RYR2: variants seen among roughly 807,000 people sequenced by gnomAD.
The protein encoded by RYR2 is ryanodine receptor 2.
RYR2 carries 227 observed loss-of-function variants against 601.1 expected under a neutral mutation model. That is an observed-to-expected ratio of 0.38 (90% CI 0.34 to 0.42). The LOEUF (loss-of-function observed/expected upper bound fraction) is 0.42, where lower values mean the gene tolerates loss of function less well. Among genes scored for constraint, RYR2 ranks in the 10% least tolerant of loss-of-function variants. RYR2 has a pLI of 1.00. For synonymous variants in RYR2, 2,223 were observed against 2,175.1 expected (o/e 1.02, Z -0.61); for missense variants, 4,646 against 6,156.5 (o/e 0.75, Z 8.21).
chr1:237,390,806 G>A (rs1022013123), intron 10 of RYR2, among the ~76,000 whole-genome samples: 2 of 152,096 alleles, frequency 1.3e-5, no homozygotes, highest in Non-Finnish European at 2.9e-5. Context: ...ATTTCATGTT[G>A]ATAATTTCAG....
intron 22 of RYR2, among the ~76,000 whole-genome samples, chr1:237,504,354 G>A (rs1010456337): frequency 6.6e-6 from 1 of 152,108 alleles, no homozygotes; most frequent in Non-Finnish European, 1.5e-5. Flanking sequence ...GGCAGGGGTG[G>A]ATCTCACAAA....
In RYR2 at chr1:237,773,612, A is replaced by C; in HGVS notation, c.11739A>C (p.Ala3913=). The C allele has an allele frequency of 6.2e-7, 1 of 1,612,316 alleles. No homozygotes were observed. Among genetic ancestry groups the C allele is most frequent in the Non-Finnish European group, 8.5e-7 (1 of 1,178,760 alleles). The part of the protein sequence containing the change: ...QRNFSKAIQV[A]KQVFNTLTEY... The stretch of plus-strand genomic sequence containing the variant: ...ATTTCTCCAAAGCTATCCAAGTGGC[A>C]AAACAAGTCTTTAACACTCTTACAG... Residue 3913 remains alanine (A), a synonymous_variant, in exon 87 of 105, where the codon GCA becomes GCC. Coordinates refer to ENST00000366574, the MANE Select transcript of RYR2 (RefSeq NM_001035.3).
intron 52 of RYR2, 117 bp downstream of exon 52, chr1:237,654,531 T>C (rs923650983): frequency 4.0e-5 from 40 of 990,146 alleles, no homozygotes; most frequent in Admixed American, 3.1e-4. Context: ...CACGTATGGC[T>C]TGATTTTTTC....
chr1:237,580,895 C>T (rs1256601704), intron 29 of RYR2, among the ~76,000 whole-genome samples: 6 of 152,122 alleles, frequency 3.9e-5, no homozygotes, highest in Non-Finnish European at 8.8e-5. Flanking sequence ...TCAGGAGAAA[C>T]GAAGCCTGCT....
chr1:237,510,868 A>G (rs1665821371), intron 23 of RYR2, among the ~76,000 whole-genome samples: 1 of 152,264 alleles, frequency 6.6e-6, no homozygotes, highest in Non-Finnish European at 1.5e-5. Flanking sequence ...TGTGATTGCT[A>G]ATATGCAGTT....
chr1:237,048,788 G>T (rs1213944072), intron 1 of RYR2, among the ~76,000 whole-genome samples: 1 of 152,098 alleles, frequency 6.6e-6, no homozygotes, highest in African/African-American at 2.4e-5. Flanking sequence ...CATGATGCTT[G>T]GTGCACTGTT....
intron 1 of RYR2, among the ~76,000 whole-genome samples, chr1:237,045,869 GTTTTTTTTTTT>G (rs768636054): frequency 3.5e-5 from 2 of 56,942 alleles, no homozygotes; most frequent in African/African-American, 1.7e-4. Flanking sequence ...CTTGGTCAAG[GTTTTTTTTTTT>G]TTTTTTTTTT....
chr1:237,778,959 T>TA (rs1425306217), intron 88 of RYR2, among the ~76,000 whole-genome samples, 189 bp downstream of exon 88: 2 of 152,234 alleles, frequency 1.3e-5, no homozygotes, highest in Non-Finnish European at 2.9e-5. Context: ...AACCGTTATG[T>TA]AACCTGAGAA....
intron 1 of RYR2, among the ~76,000 whole-genome samples, chr1:237,251,553 CCT>C (rs1374727614): frequency 6.6e-6 from 1 of 152,168 alleles, no homozygotes; most frequent in East Asian, 1.9e-4. Flanking sequence ...GAATTCCTCC[CCT>C]CTTTCCAACC....
chr1:237,113,990 T>A (rs1669788472), intron 1 of RYR2, among the ~76,000 whole-genome samples: 1 of 152,214 alleles, frequency 6.6e-6, no homozygotes, highest in Non-Finnish European at 1.5e-5. Flanking sequence ...ACTTGCCTTT[T>A]ATTCTCTCAG....
intron 17 of RYR2, among the ~76,000 whole-genome samples, chr1:237,480,378 CAAAAA>C (rs61271895): frequency 1.7e-5 from 1 of 57,698 alleles, no homozygotes; most frequent in Non-Finnish European, 4.0e-5. Context: ...AAGATCATCT[CAAAAA>C]AAAAAAAAAA....
Position 237,530,466 on chromosome 1 carries a change from T to A in RYR2, c.2862T>A (p.Asp954Glu). Residue 954 changes from aspartate to glutamate, a missense_variant, in exon 25 of 105, where the codon GAT (aspartate) becomes GAA (glutamate). This residue lies in a region of RYR2 where 1,807 missense variants were observed against 2,088.1 expected (regional missense o/e 0.87). Transcript: ENST00000366574. ...LALGCHVGIS[D>E]EHAEDKVKKM... ...TAGGATGTCATGTGGGTATATCAGA[T>A]GAACATGCTGAAGACAAGGTGAAAA... 6.2e-7 allele frequency: 1 copy of A among 1,609,354 alleles called. No individual in the cohort carries two copies. The highest frequency in any genetic ancestry group is 8.5e-7 in the Non-Finnish European group (1 of 1,177,774).
At chr1:237,387,130 C>A in intron 8 of RYR2, 151 bp from the exon 9 acceptor site, 1 of 683,036 alleles carries the variant, frequency 1.5e-6, no homozygotes, top group Non-Finnish European at 2.6e-6. Context: ...TTTCTTCTGA[C>A]TAGTTTTTTG....
At chr1:237,613,938 T>G (rs1049366320) in intron 36 of RYR2, 101 bp from the exon 37 acceptor site, 1 of 1,131,584 alleles carries the variant, frequency 8.8e-7, no homozygotes, top group Non-Finnish European at 1.2e-6. Flanking sequence ...TCCCATAACT[T>G]TTTTCCTTCA....
intron 2 of RYR2, among the ~76,000 whole-genome samples, chr1:237,301,743 CT>C (rs1693371163): frequency 6.6e-6 from 1 of 152,080 alleles, no homozygotes; most frequent in East Asian, 1.9e-4. Context: ...AAGTGCTTGC[CT>C]TTTCTTTTCC....
rs372211483 is a variant in RYR2 at position 237,610,403 on chromosome 1, A to G, written c.4684-359A>G. Among the ~76,000 whole-genome samples, 6 of 152,288 alleles carry G rather than the reference A, an allele frequency of 3.9e-5. No individual in the cohort carries two copies. In the South Asian group the frequency reaches 1.2e-3, roughly 32 times the overall value. ...ATATCTGTCATTCAGGAAGTTTGGC[A>G]CTGAAAGTCCCTAAAGACTTGCCAG... On this transcript the variant is annotated intron_variant, in intron 35 of 104. Coordinates refer to ENST00000366574, the MANE Select transcript of RYR2 (RefSeq NM_001035.3). The surrounding 1 kb of genome is among the most constrained non-coding windows in gnomAD (Gnocchi z 4.9).
chr1:237,762,180 A>G (rs1210235562), intron 84 of RYR2, among the ~76,000 whole-genome samples: 2 of 152,190 alleles, frequency 1.3e-5, no homozygotes, highest in East Asian at 1.9e-4. Context: ...TACCTTCAAG[A>G]ACAATCACTG....
chr1:237,341,405 G>A (rs531358211), intron 3 of RYR2, among the ~76,000 whole-genome samples: 1 of 152,146 alleles, frequency 6.6e-6, no homozygotes, highest in East Asian at 1.9e-4. Context: ...GTGCAATGGT[G>A]CAATATCCTC....
intron 1 of RYR2, among the ~76,000 whole-genome samples, chr1:237,248,045 G>A (rs554475526): frequency 2.1e-4 from 32 of 152,044 alleles, no homozygotes; most frequent in Non-Finnish European, 4.1e-4. Context: ...AGGCCAAGGT[G>A]GGCAGATCAC....
Sources: allele counts gnomAD v4.1 joint callset (sites outside exome capture counted in the v4.1 genomes callset), GRCh38; gene constraint gnomAD v4.1.1; regional missense constraint gnomAD v4.1.1; non-coding constraint Gnocchi (gnomAD v3.1); transcripts MANE v1.5; gene names NCBI Gene and HGNC (gene_info 2026-07-23, HGNC 2026-07-21).